Variants in DISP1 observed in about 807,000 individuals in gnomAD.
The protein encoded by DISP1 is protein dispatched homolog 1.
In DISP1, 30 loss-of-function variants were observed where a neutral mutation model predicts 37.3. That is an observed-to-expected ratio of 0.80 (90% CI 0.60 to 1.09). DISP1 has a LOEUF of 1.09. Ranked by LOEUF, DISP1 falls within the 50% of genes least tolerant of loss-of-function variation. DISP1 has a pLI of 0.00. For missense variants in DISP1, 1,598 were observed against 1,879.5 expected (o/e 0.85, Z 2.77); for synonymous variants, 634 against 690.2 (o/e 0.92, Z 1.28).
At chr1:222,838,201 TG>T (rs1203993995) in intron 1 of DISP1, among the ~76,000 whole-genome samples, 1 of 152,202 alleles carries the variant, frequency 6.6e-6, no homozygotes, top group Non-Finnish European at 1.5e-5. Flanking sequence ...GTGTCTTCAT[TG>T]TTATAATTAT....
At position 223,005,092 on chromosome 1, in the gene DISP1, A is replaced by T; in HGVS notation, c.3695A>T (p.His1232Leu). 6.2e-7 allele frequency: 1 copy of T among 1,614,238 alleles called. No individual in the cohort carries two copies. The highest frequency in any genetic ancestry group is 1.1e-5 in the South Asian group (1 of 91,080). ...SQAKNLGMPV[H>L]AAYNSELSKS... ...GCAAAGAATTTAGGGATGCCTGTGC[A>T]TGCAGCTTACAACAGTGAACTCAGC... Residue 1232 changes from histidine to leucine, a missense_variant, in exon 9 of 9, where the codon CAT (histidine) becomes CTT (leucine). By Grantham distance (99) the His-to-Leu change is moderately conservative (BLOSUM62 -3). Transcript: ENST00000675850.
chr1:222,895,345 C>T (rs144167889), intron 1 of DISP1, among the ~76,000 whole-genome samples: 60 of 152,256 alleles, frequency 3.9e-4, no homozygotes, highest in African/African-American at 1.3e-3. Context: ...AAGTAGTTAA[C>T]CGAATACCAG....
intron 1 of DISP1, among the ~76,000 whole-genome samples, chr1:222,834,954 A>G (rs1407669096): frequency 1.3e-5 from 2 of 152,212 alleles, no homozygotes; most frequent in Non-Finnish European, 2.9e-5. Context: ...CATTCAGTTA[A>G]TGGTGGGTAT....
chr1:222,990,778 A>G, intron 5 of DISP1, 30 bp downstream of exon 5: 1 of 1,612,856 alleles, frequency 6.2e-7, no homozygotes, highest in Non-Finnish European at 8.5e-7. Flanking sequence ...TCTTTAGCCT[A>G]AAATCATCTC....
rs563838229 is a variant in DISP1, at chr1:222,992,652, G to T, written c.889+542G>T. 3.0e-4 allele frequency among the ~76,000 whole-genome samples: 45 copies of T among 152,208 alleles called. No individual in the cohort carries two copies. The South Asian group carries it at 9.3e-3, about 32-fold the overall frequency. ...GAGGTGAAAAAAATAAAGTCTAGAG[G>T]TTCAAAGTTTGAATGCCTCAGGGGC... On this transcript the variant is annotated intron_variant, in intron 7 of 8. Coordinates refer to ENST00000675850, the MANE Select transcript of DISP1 (RefSeq NM_001377229.1).
intron 1 of DISP1, among the ~76,000 whole-genome samples, chr1:222,887,976 G>T (rs552443491): frequency 3.1e-4 from 47 of 152,282 alleles, no homozygotes; most frequent in African/African-American, 1.1e-3. Flanking sequence ...TCTGGGTTCA[G>T]GTTGGGACCC....
intron 1 of DISP1, among the ~76,000 whole-genome samples, chr1:222,825,527 G>A (rs1235237458): frequency 7.0e-6 from 1 of 142,354 alleles, no homozygotes; most frequent in Non-Finnish European, 1.5e-5. Flanking sequence ...TTGAGATGGA[G>A]TCTCACTCTG....
At chr1:222,858,614 G>A (rs1668692581) in intron 1 of DISP1, among the ~76,000 whole-genome samples, 1 of 151,888 alleles carries the variant, frequency 6.6e-6, no homozygotes, top group Non-Finnish European at 1.5e-5. Context: ...AATCTACCAG[G>A]AACTTAAACA....
Position 222,931,685 on chromosome 1 carries a change from C to CTT in DISP1, c.-18+3130_-18+3131dup, listed in dbSNP as rs5781291. Among the ~76,000 whole-genome samples, 138 of 140,634 alleles carry CTT rather than the reference C, an allele frequency of 9.8e-4. 1 individual carries two copies. In the South Asian group the frequency reaches 0.029, roughly 30 times the overall value. The allele number at this position is 140,634 out of a possible 152,430, so 92.3% of individuals were successfully genotyped here. ...AGATGCTTAAAATGCCACCAGGAAT[C>CTT]TTTTTTTTTTTTTTTTCCTGGCATG... On this transcript the variant is annotated intron_variant, in intron 2 of 8. Coordinates refer to ENST00000675850, the MANE Select transcript of DISP1 (RefSeq NM_001377229.1).
intron 4 of DISP1, chr1:222,989,272 C>T (rs1030957272): frequency 7.3e-5 from 47 of 640,638 alleles, no homozygotes; most frequent in Non-Finnish European, 8.9e-5. Context: ...GCCATTGCAG[C>T]AGCCAAATGA....
rs577378656 is a variant in DISP1 at position 222,832,944 on chromosome 1, GTTAAAT to G, written c.-159+17879_-159+17884del. 1.1e-4 allele frequency among the ~76,000 whole-genome samples: 17 copies of G among 152,148 alleles called. 1 individual carries two copies. The East Asian group carries it at 3.3e-3, about 29-fold the overall frequency. On this transcript the variant is annotated intron_variant, in intron 1 of 8. Coordinates refer to ENST00000675850, the MANE Select transcript of DISP1 (RefSeq NM_001377229.1). ...ATGTAAGTTAAATTAGATTACACAT[GTTAAAT>G]TTAAATTTAAATAAGTTGAAAATTA...
chr1:222,936,811 A>ATAT, intron 2 of DISP1, among the ~76,000 whole-genome samples: 1 of 34,846 alleles, frequency 2.9e-5, no homozygotes, highest in African/African-American at 9.4e-5. Flanking sequence ...TATATATATA[A>ATAT]ATTATATATA....
chr1:222,940,467 G>C (rs34701716), intron 2 of DISP1, among the ~76,000 whole-genome samples: 17,096 of 152,122 alleles, frequency 0.11, 1,318 homozygotes, highest in Non-Finnish European at 0.16. Context: ...ATTACAGTTC[G>C]ACATGAGATT....
Position 222,983,122 on chromosome 1 carries a change from G to T in DISP1, c.539+13G>T. 1.3e-6 allele frequency: 2 copies of T among 1,588,968 alleles called. No individual in the cohort carries two copies. The highest frequency in any genetic ancestry group is 1.7e-5 in the Admixed American group (1 of 59,726). On this transcript the variant is annotated intron_variant, in intron 4 of 8. Transcript: ENST00000675850. Reference sequence around the variant, plus strand: ...AGTTGCCAAAAAGGTAAAGTAATCTGGGTCATCTTATTAAATAATAAACTT... The same window carrying T: ...AGTTGCCAAAAAGGTAAAGTAATCTTGGTCATCTTATTAAATAATAAACTT...
intron 3 of DISP1, among the ~76,000 whole-genome samples, chr1:222,968,044 G>T (rs1676640574): frequency 6.6e-6 from 1 of 152,138 alleles, no homozygotes; most frequent in South Asian, 2.1e-4. Context: ...ACTTGCCTGT[G>T]TTGAAGCCAA....
At chr1:222,966,763 A>G (rs981605840) in intron 3 of DISP1, among the ~76,000 whole-genome samples, 1 of 152,198 alleles carries the variant, frequency 6.6e-6, no homozygotes, top group African/African-American at 2.4e-5. Context: ...GTACATATGT[A>G]AAAATGCATC....
Position 222,980,856 on chromosome 1 carries a change from G to A in DISP1, c.510-2224G>A, listed in dbSNP as rs1677780554. 4.6e-5 allele frequency among the ~76,000 whole-genome samples: 7 copies of A among 152,162 alleles called. No individual in the cohort carries two copies. In the South Asian group the frequency reaches 6.2e-4, roughly 14 times the overall value. ...TCCCAGCACTTTGGGAGGCCCAGGC[G>A]GGTGGGAGGTCAGGAGTTCGAGGCC... On this transcript the variant is annotated intron_variant, in intron 3 of 8. Coordinates refer to ENST00000675850, the MANE Select transcript of DISP1 (RefSeq NM_001377229.1).
At chr1:222,862,829 C>T (rs71644714) in intron 1 of DISP1, among the ~76,000 whole-genome samples, 17,224 of 152,106 alleles carry the variant, frequency 0.11, 1,346 homozygotes, top group Non-Finnish European at 0.16. Context: ...CCGTGCTCAG[C>T]GTCAGTCGTA....
chr1:222,926,335 A>G (rs943578084), intron 1 of DISP1, among the ~76,000 whole-genome samples: 1 of 152,182 alleles, frequency 6.6e-6, no homozygotes, highest in African/African-American at 2.4e-5. Context: ...ATGGATATTT[A>G]GGTTGTTTTT....
Sources: allele counts gnomAD v4.1 joint callset (sites outside exome capture counted in the v4.1 genomes callset), GRCh38; gene constraint gnomAD v4.1.1; transcripts MANE v1.5; gene names NCBI Gene and HGNC (gene_info 2026-07-23, HGNC 2026-07-21).